LRFN5: variants seen among roughly 807,000 people sequenced by gnomAD.
The protein encoded by LRFN5 is leucine rich repeat and fibronectin type III domain containing 5.
A neutral mutation model predicts 45.6 loss-of-function variants in LRFN5; 24 were observed. That is an observed-to-expected ratio of 0.53 (90% CI 0.38 to 0.74). The LOEUF is 0.74. Ranked by LOEUF, LRFN5 falls within the 30% of genes least tolerant of loss-of-function variation. The pLI is 0.00. For missense variants in LRFN5, 776 were observed against 861.5 expected (o/e 0.90, Z 1.24); for synonymous variants, 340 against 313.8 (o/e 1.08, Z -0.88).
intron 1 of LRFN5, among the ~76,000 whole-genome samples, chr14:41,761,816 A>G (rs10136923): frequency 0.1 from 15,950 of 152,108 alleles, 1,441 homozygotes; most frequent in East Asian, 0.51. Context: ...CTATCATTTG[A>G]CAAAATATTG....
Position 41,678,127 on chromosome 14 carries a change from A to T in LRFN5, c.-197+69565A>T, listed in dbSNP as rs1264988294. Among the ~76,000 whole-genome samples the T allele has an allele frequency of 2.6e-5, 4 of 152,084 alleles. No homozygotes were observed. In the East Asian group the frequency reaches 7.7e-4, roughly 29 times the overall value. On this transcript the variant is annotated intron_variant, in intron 1 of 5. Coordinates refer to ENST00000298119, the MANE Select transcript of LRFN5 (RefSeq NM_152447.5). ...AGCTATATCATGCAAACAACAACTA[A>T]AAAAGAGCTAGAGTGGATATACTAA... is the stretch of plus-strand genomic sequence containing the variant.
intron 1 of LRFN5, among the ~76,000 whole-genome samples, chr14:41,671,673 A>G (rs553685722): frequency 3.9e-5 from 5 of 126,786 alleles, no homozygotes; most frequent in South Asian, 2.7e-4. Flanking sequence ...CTGGAGTGCA[A>G]TGGCACTATC....
intron 1 of LRFN5, among the ~76,000 whole-genome samples, chr14:41,625,607 C>T (rs1888302718): frequency 6.6e-6 from 1 of 152,252 alleles, no homozygotes; most frequent in Middle Eastern, 3.4e-3. Flanking sequence ...TATAGTTGAA[C>T]AGGTAAACTG....
chr14:41,743,514 G>A lies in LRFN5; in HGVS notation c.-196-23340G>A, dbSNP rs191794290. Reference sequence around the variant, plus strand: ...CTCATGGAATCAAAAGTTAAAAAGTGGTTACTAGAGATTGGGGAAGGATGA... The same window carrying A: ...CTCATGGAATCAAAAGTTAAAAAGTAGTTACTAGAGATTGGGGAAGGATGA... On this transcript the variant is annotated intron_variant, in intron 1 of 5. Transcript: ENST00000298119. Among the ~76,000 whole-genome samples, 6 of 152,232 alleles carry A rather than the reference G, an allele frequency of 3.9e-5. No homozygotes were observed. The East Asian group carries it at 1.2e-3, about 29-fold the overall frequency.
intron 1 of LRFN5, among the ~76,000 whole-genome samples, chr14:41,710,239 A>G (rs549436290): frequency 7.0e-4 from 107 of 152,296 alleles, no homozygotes; most frequent in African/African-American, 2.5e-3. Flanking sequence ...TGGTATTAGT[A>G]TGAAACAATT....
At chr14:41,868,391 AC>A (rs2139112717) in intron 2 of LRFN5, among the ~76,000 whole-genome samples, 1 of 152,280 alleles carries the variant, frequency 6.6e-6, no homozygotes, top group Non-Finnish European at 1.5e-5. Flanking sequence ...CAAGCTTAGC[AC>A]CAACACAAAG....
In LRFN5 at chr14:41,886,583, CTATTTTG is replaced by C; in HGVS notation, c.-20-21_-20-15del. 1.4e-6 allele frequency: 2 copies of C among 1,433,428 alleles called. No individual in the cohort carries two copies. Among genetic ancestry groups the C allele is most frequent in the Non-Finnish European group, 1.9e-6 (2 of 1,060,642 alleles). The allele number at this position is 1,433,428 out of a possible 1,614,324, so 88.8% of individuals were successfully genotyped here. ...AATTAAATCACTGGATGCTAACATT[CTATTTTG>C]TGTCTTCCGTTACAGGCTCTTAAAC... On this transcript the variant is annotated splice_polypyrimidine_tract_variant and intron_variant, in intron 2 of 5. Transcript: ENST00000298119.
At chr14:41,643,990 C>A (rs2138603999) in intron 1 of LRFN5, among the ~76,000 whole-genome samples, 1 of 152,102 alleles carries the variant, frequency 6.6e-6, no homozygotes, top group South Asian at 2.1e-4. Context: ...AGTAGGTTAC[C>A]CTTTATAACA....
intron 1 of LRFN5, among the ~76,000 whole-genome samples, chr14:41,675,145 C>T (rs1184051102): frequency 6.6e-6 from 1 of 151,896 alleles, no homozygotes; most frequent in Non-Finnish European, 1.5e-5. Flanking sequence ...AGGGGCTCCT[C>T]ACGTCCCAGA....
intron 1 of LRFN5, among the ~76,000 whole-genome samples, chr14:41,612,745 A>G (rs1887799414): frequency 6.6e-6 from 1 of 152,120 alleles, no homozygotes; most frequent in East Asian, 1.9e-4. Context: ...TGGTGAAATT[A>G]AGAAGTATTA....
chr14:41,808,238 T>G (rs111311130), intron 2 of LRFN5, among the ~76,000 whole-genome samples: 1,312 of 30,218 alleles, frequency 0.043, 14 homozygotes, highest in African/African-American at 0.1. Flanking sequence ...AAGGAAGGAA[T>G]TGAGGGAGGG....
intron 2 of LRFN5, among the ~76,000 whole-genome samples, chr14:41,839,786 G>A (rs556340935): frequency 6.6e-6 from 1 of 152,172 alleles, no homozygotes; most frequent in Non-Finnish European, 1.5e-5. Flanking sequence ...CCTTGCTGAG[G>A]TCTTTCGATT....
intron 1 of LRFN5, among the ~76,000 whole-genome samples, chr14:41,732,128 T>G (rs1349435308): frequency 6.6e-6 from 1 of 152,192 alleles, no homozygotes; most frequent in African/African-American, 2.4e-5. Context: ...CCACTTCAGC[T>G]ACCCATCCCC....
At chr14:41,806,368 A>G (rs1033482539) in intron 2 of LRFN5, among the ~76,000 whole-genome samples, 3 of 152,180 alleles carry the variant, frequency 2.0e-5, no homozygotes, top group Admixed American at 2.0e-4. Flanking sequence ...AAAAGGGCTA[A>G]AAAACATAAA....
intron 1 of LRFN5, among the ~76,000 whole-genome samples, chr14:41,670,256 GATATATATATAT>G (rs1165968461): frequency 0.021 from 972 of 45,708 alleles, 20 homozygotes; most frequent in Non-Finnish European, 0.028. Context: ...CATACACACA[GATATATATATAT>G]ATATATATAT....
At chr14:41,894,433 A>T in intron 4 of LRFN5, 1 of 915,536 alleles carries the variant, frequency 1.1e-6, no homozygotes, top group Non-Finnish European at 1.3e-6. Context: ...TAATATGATC[A>T]TTTTTACAAT....
At chr14:41,662,546 A>G (rs2138640954) in intron 1 of LRFN5, among the ~76,000 whole-genome samples, 1 of 152,200 alleles carries the variant, frequency 6.6e-6, no homozygotes, top group African/African-American at 2.4e-5. Context: ...AAGATTTGTC[A>G]TTAAAGCAAG....
chr14:41,655,073 G>A (rs144331283), intron 1 of LRFN5, among the ~76,000 whole-genome samples: 51 of 152,042 alleles, frequency 3.4e-4, no homozygotes, highest in Admixed American at 8.5e-4. Flanking sequence ...TAATTCAGTC[G>A]TTTGTTCAAC....
At chr14:41,693,631 G>A (rs1196964511) in intron 1 of LRFN5, among the ~76,000 whole-genome samples, 1 of 151,754 alleles carries the variant, frequency 6.6e-6, no homozygotes, top group Non-Finnish European at 1.5e-5. Flanking sequence ...TTGAAATGTT[G>A]TTGGCTTTTA....
Sources: allele counts gnomAD v4.1 joint callset (sites outside exome capture counted in the v4.1 genomes callset), GRCh38; gene constraint gnomAD v4.1.1; transcripts MANE v1.5; gene names NCBI Gene and HGNC (gene_info 2026-07-23, HGNC 2026-07-21).